TRRAP: variants seen among roughly 807,000 people sequenced by gnomAD.
TRRAP encodes the protein transformation/transcription domain associated protein.
In TRRAP, 41 loss-of-function variants were observed where a neutral mutation model predicts 438.8. The ratio of observed to expected loss-of-function variants is 0.09; its 90% CI spans 0.07 to 0.12. TRRAP has a LOEUF of 0.12. Ranked by LOEUF, TRRAP falls within the 10% of genes least tolerant of loss-of-function variation. The pLI is 1.00. For synonymous variants in TRRAP, 1,994 were observed against 1,962.9 expected (o/e 1.02, Z -0.42); for missense variants, 3,122 against 5,055.1 (o/e 0.62, Z 11.60).
rs782706361 is a variant in TRRAP, at chr7:98,956,095, T to C, written c.5938-51T>C. 64 of 1,543,674 alleles carry C rather than the reference T, an allele frequency of 4.1e-5. No individual in the cohort carries two copies. Among genetic ancestry groups the C allele is most frequent in the Non-Finnish European group, 5.2e-5 (60 of 1,151,454 alleles). ...TGCACGTGCGCACACGTGCATGCACTGTGGGACCAAGCTCCCATGTTCCGG... is the reference window on the plus strand; with the variant it reads ...TGCACGTGCGCACACGTGCATGCACCGTGGGACCAAGCTCCCATGTTCCGG... On this transcript the variant is annotated intron_variant, in intron 41 of 72. Transcript: ENST00000456197. This position sits in a 1 kb window ranked among gnomAD's most constrained non-coding sequence, Gnocchi z 4.5.
intron 17 of TRRAP, 21 bp from the exon 18 acceptor site, chr7:98,912,001 A>G: frequency 1.3e-6 from 2 of 1,599,058 alleles, no homozygotes; most frequent in South Asian, 1.1e-5. Flanking sequence ...AATTTTTCAC[A>G]TGTGTTTCTT....
At chr7:98,990,685 T>C in intron 64 of TRRAP, 66 bp downstream of exon 64, 1 of 1,522,892 alleles carries the variant, frequency 6.6e-7, no homozygotes, top group Non-Finnish European at 8.9e-7. Flanking sequence ...GCGTTCTTTT[T>C]TCTCCCAGAA....
At position 98,931,467 on chromosome 7, in the gene TRRAP, A is replaced by C. The variant is rs782042101; in HGVS notation, c.3654A>C (p.Ala1218=). The C allele has an allele frequency of 5.6e-6, 9 of 1,614,042 alleles. No homozygotes were observed. The Admixed American group carries it at 8.3e-5, about 15-fold the overall frequency. ...TTLEQLLMRC[A]TPLKDEERAE... ...TGGAGCAGCTTCTGATGCGGTGCGC[A>C]ACGCCTTTAAAAGACGAGGAGAGAG... The change falls in exon 26 of 73, where the codon GCA becomes GCC. Residue 1218 remains alanine, a synonymous_variant. Transcript: ENST00000456197.
Position 98,962,560 on chromosome 7 carries a change from C to G in TRRAP, c.6829+133C>G. ...TTGAGCCGCTGCGTTGTTCAGGTGT[C>G]TGTTGCCTGGGGCCCTCAAGGCCGC... On this transcript the variant is annotated intron_variant, in intron 47 of 72. Transcript: ENST00000456197. 2.0e-6 allele frequency: 3 copies of G among 1,529,486 alleles called. No homozygotes were observed. In the South Asian group the frequency reaches 3.7e-5, roughly 19 times the overall value. 94.7% of individuals were successfully genotyped at this position (1,529,486 alleles called of 1,614,324 possible). A position where few individuals can be genotyped will look rare whatever the true frequency, so the allele number is the denominator to read the frequency against.
At position 98,909,151 on chromosome 7, in the gene TRRAP, G is replaced by T. The variant is rs575806762; in HGVS notation, c.1350+189G>T. On this transcript the variant is annotated intron_variant, in intron 14 of 72. Transcript: ENST00000456197. ...TGATTCTCATGCCTCAGCCTCCCAG[G>T]TAGCTGGGATTATAGGCATGCACCA... Among the ~76,000 whole-genome samples, 80 of 152,018 alleles carry T rather than the reference G, an allele frequency of 5.3e-4. 1 individual carries two copies. Among genetic ancestry groups the T allele is most frequent in the African/African-American group, 1.8e-3 (76 of 41,438 alleles).
In TRRAP at chr7:98,883,530, A is replaced by G. The variant is rs564625128; in HGVS notation, c.150+1506A>G. On this transcript the variant is annotated intron_variant, in intron 3 of 72. Transcript: ENST00000456197. ...TGTTTCTTTGTCTAGTAATTTATAT[A>G]TTTGGAGACAAGGTCTTACTGTCAT... is the stretch of plus-strand genomic sequence containing the variant. Among the ~76,000 whole-genome samples the G allele has an allele frequency of 2.0e-5, 3 of 152,224 alleles. No homozygotes were observed. In the South Asian group the frequency reaches 6.2e-4, roughly 32 times the overall value.
intron 11 of TRRAP, among the ~76,000 whole-genome samples, chr7:98,903,049 C>T (rs146991956): frequency 2.6e-5 from 4 of 151,598 alleles, no homozygotes; most frequent in African/African-American, 9.7e-5. Context: ...TTTTTGGAGA[C>T]GAGTCTCACT....
At chr7:98,993,769 C>T (rs759763345) in intron 66 of TRRAP, 32 bp downstream of exon 66, 1 of 1,608,454 alleles carries the variant, frequency 6.2e-7, no homozygotes, top group South Asian at 1.1e-5. Flanking sequence ...CATGGTGGCT[C>T]CTTGTAGAGG....
chr7:98,955,616 A>G (rs1459052809), intron 41 of TRRAP, among the ~76,000 whole-genome samples: 1 of 152,186 alleles, frequency 6.6e-6, no homozygotes, highest in East Asian at 1.9e-4. Flanking sequence ...CATTGACTCT[A>G]GATTTCCATC....
chr7:98,990,573 G>C lies in TRRAP; in HGVS notation c.9710G>C (p.Cys3237Ser). 6.2e-7 allele frequency: 1 copy of C among 1,614,116 alleles called. No homozygotes were observed. The highest frequency in any genetic ancestry group is 8.5e-7 in the Non-Finnish European group (1 of 1,179,926). Residue 3237 changes from cysteine (C) to serine (S), a missense_variant, in exon 64 of 73, where the codon TGC (cysteine) becomes TCC (serine). Cys to Ser is a moderately radical substitution (Grantham distance 112). Around this residue, in one of 24 missense-constraint regions of TRRAP, gnomAD observed 52 missense variants for 88.3 expected, o/e 0.59. Coordinates refer to ENST00000456197, the MANE Select transcript of TRRAP (RefSeq NM_001375524.1). Reference sequence around the variant, plus strand: ...GCCTGGATCCCACAGCTGCTCACCTGCCTGGTTGGCTCGGAGGGAAAGCTG... The same window carrying C: ...GCCTGGATCCCACAGCTGCTCACCTCCCTGGTTGGCTCGGAGGGAAAGCTG... ...WLAWIPQLLTCLVGSEGKLLL... is the reference protein window; with the variant it reads ...WLAWIPQLLTSLVGSEGKLLL...
chr7:98,914,646 C>T (rs1407517853), intron 18 of TRRAP, among the ~76,000 whole-genome samples: 3 of 122,396 alleles, frequency 2.5e-5, no homozygotes, highest in African/African-American at 9.1e-5. Context: ...ACCTGGGAGG[C>T]GGAGGTCACA....
intron 3 of TRRAP, among the ~76,000 whole-genome samples, chr7:98,889,097 G>A (rs1554404416): frequency 6.9e-6 from 1 of 144,858 alleles, no homozygotes; most frequent in East Asian, 2.0e-4. Flanking sequence ...TGCCCAGGCT[G>A]GCCTCGAATT....
At chr7:98,888,273 A>G (rs1198488144) in intron 3 of TRRAP, among the ~76,000 whole-genome samples, 16 of 149,228 alleles carry the variant, frequency 1.1e-4, no homozygotes, top group Admixed American at 8.1e-4. Flanking sequence ...GTGGCGGCTC[A>G]TGCCTGTAAT....
At chr7:98,945,843 G>C in intron 32 of TRRAP, 43 bp downstream of exon 32, 1 of 1,581,484 alleles carries the variant, frequency 6.3e-7, no homozygotes, top group Non-Finnish European at 8.5e-7. Flanking sequence ...CTTGCAATGT[G>C]AAGAAAAGTT....
chr7:98,966,977 TAAA>T, intron 49 of TRRAP, 61 bp from the exon 50 acceptor site: 1 of 1,540,418 alleles, frequency 6.5e-7, no homozygotes, highest in African/African-American at 1.4e-5. Flanking sequence ...TGTAGGAGCT[TAAA>T]AAATACTAGA....
intron 67 of TRRAP, among the ~76,000 whole-genome samples, chr7:99,002,997 G>A (rs1461178317): frequency 2.0e-5 from 3 of 152,166 alleles, no homozygotes; most frequent in South Asian, 2.1e-4. Flanking sequence ...GAGGTTCAGC[G>A]GCGTGCTCCA....
chr7:98,948,667 G>A lies in TRRAP; in HGVS notation c.4770G>A (p.Gln1590=), dbSNP rs782537453. 1 of 1,614,210 alleles carries A rather than the reference G, an allele frequency of 6.2e-7. No homozygotes were observed. Among genetic ancestry groups the A allele is most frequent in the Non-Finnish European group, 8.5e-7 (1 of 1,180,030 alleles). Residue 1590 remains glutamine, a synonymous_variant, in exon 35 of 73, where the codon CAG becomes CAA. Coordinates refer to ENST00000456197, the MANE Select transcript of TRRAP (RefSeq NM_001375524.1). This position sits in a 1 kb window ranked among gnomAD's most constrained non-coding sequence, Gnocchi z 4.9. The part of the protein sequence containing the change: ...FMMEATLNDP[Q]WSRMFMSFLK... ...TGGAAGCCACACTGAACGATCCCCA[G>A]TGGAGCAGAATGTTTATGGTAAGAG... is the stretch of plus-strand genomic sequence containing the variant.
chr7:99,009,442 A>T (rs1794335573), intron 70 of TRRAP, among the ~76,000 whole-genome samples: 1 of 152,132 alleles, frequency 6.6e-6, no homozygotes, highest in African/African-American at 2.4e-5. Flanking sequence ...GGCCCGAGGT[A>T]TTCCAGGCTG....
chr7:98,992,561 G>A (rs76839077), intron 65 of TRRAP, among the ~76,000 whole-genome samples: 4,565 of 58,660 alleles, frequency 0.078, 237 homozygotes, highest in African/African-American at 0.32. Context: ...GCCAGCTGCC[G>A]TGTGTGTGTG....
Sources: allele counts gnomAD v4.1 joint callset (sites outside exome capture counted in the v4.1 genomes callset), GRCh38; gene constraint gnomAD v4.1.1; regional missense constraint gnomAD v4.1.1; non-coding constraint Gnocchi (gnomAD v3.1); transcripts MANE v1.5; gene names NCBI Gene and HGNC (gene_info 2026-07-23, HGNC 2026-07-21).